The following TRMT11 variants were observed in gnomAD, a reference collection of about 807,000 sequenced individuals.
TRMT11 encodes tRNA (guanine(10)-N(2))-methyltransferase TRMT11.
Under a neutral mutation model 62.8 loss-of-function variants are expected in TRMT11, and 53 were observed. The observed-to-expected ratio is 0.84, with a 90% CI of 0.68 to 1.06. The LOEUF (loss-of-function observed/expected upper bound fraction) is 1.06. TRMT11 is among the 50% of genes least tolerant of loss of function. The probability of loss-of-function intolerance (pLI) is 0.00; values close to 1 mark genes in which losing one functional copy is unlikely to be tolerated. For synonymous variants in TRMT11, 188 were observed against 190.3 expected, an observed-to-expected ratio of 0.99 and a Z score of 0.10; for missense variants, 556 against 553.4, an observed-to-expected ratio of 1.00 and a Z score of -0.05.
At chr6:126,239,090 T>C in the TRMT11 span, among the ~76,000 whole-genome samples, 1 of 152,330 alleles carries the variant, frequency 6.6e-6, no homozygotes, top group Non-Finnish European at 1.5e-5. Flanking sequence ...CCATTTATTT[T>C]GAGCCTATGT....
intron 17 of TRMT11, among the ~76,000 whole-genome samples, chr6:126,086,038 A>C (rs1008656640): frequency 6.6e-6 from 1 of 152,210 alleles, no homozygotes; most frequent in Non-Finnish European, 1.5e-5. Context: ...AAGTGGTATC[A>C]GAGGTCTATG....
chr6:126,183,252 C>T (rs1778487826), intron 1 of TRMT11, among the ~76,000 whole-genome samples: 4 of 152,112 alleles, frequency 2.6e-5, no homozygotes, highest in Admixed American at 1.3e-4. Context: ...ACAAAATGTT[C>T]AGGTCATGAT....
intron 17 of TRMT11, among the ~76,000 whole-genome samples, chr6:126,103,073 A>G (rs928834689): frequency 1.3e-5 from 2 of 152,168 alleles, no homozygotes; most frequent in Non-Finnish European, 2.9e-5. Context: ...GGCTCTATTT[A>G]TCCTGCAAGA....
rs143302980 is a variant in TRMT11, at chr6:126,168,749, C to T, written c.*1824-6076C>T. 9.8e-3 allele frequency among the ~76,000 whole-genome samples: 1,496 copies of T among 152,236 alleles called. 23 individuals are homozygous for T. The highest frequency in any genetic ancestry group is 0.048 in the South Asian group (231 of 4,824). On this transcript the variant is annotated intron_variant and NMD_transcript_variant, in intron 21 of 22. Coordinates refer to the TRMT11 transcript ENST00000648977. ...GGCCAGGCTGGTCTCAAATTCCTGACCTTGTGATCTGCCAGCCTCGGCCTC... is the reference window on the plus strand; with the variant it reads ...GGCCAGGCTGGTCTCAAATTCCTGATCTTGTGATCTGCCAGCCTCGGCCTC...
exon 4 of TRMT11, chr6:126,202,069 G>C (rs558295516): frequency 6.6e-6 from 1 of 152,226 alleles, no homozygotes; most frequent in Admixed American, 6.5e-5. Flanking sequence ...TATGTAAAAT[G>C]CTGAATTAAA....
chr6:126,123,675 CAAGT>C lies in TRMT11; in HGVS notation c.*1823+7823_*1823+7826del, dbSNP rs199967227. 8.0e-3 allele frequency among the ~76,000 whole-genome samples: 1,213 copies of C among 152,044 alleles called. 13 individuals carry two copies. Among genetic ancestry groups the C allele is most frequent in the African/African-American group, 0.028 (1,157 of 41,488 alleles). On this transcript the variant is annotated intron_variant and NMD_transcript_variant, in intron 21 of 22. Coordinates refer to the TRMT11 transcript ENST00000648977. ...AAAGAGGCATGCTTGAATGGATAATCAAGTAAACAGATTTTCTGATATTAAAAAA... is the reference window on the plus strand; with the variant it reads ...AAAGAGGCATGCTTGAATGGATAATCAAACAGATTTTCTGATATTAAAAAA...
the TRMT11 span, among the ~76,000 whole-genome samples, chr6:126,213,196 G>T: frequency 2.0e-5 from 3 of 152,066 alleles, no homozygotes; most frequent in South Asian, 6.2e-4. Flanking sequence ...TTTGAAGTCA[G>T]GTATTGTGAT....
intron 19 of TRMT11, among the ~76,000 whole-genome samples, chr6:126,115,060 C>G (rs77763959): frequency 6.6e-6 from 1 of 152,042 alleles, no homozygotes; most frequent in South Asian, 2.1e-4. Context: ...ACGTGTCTTT[C>G]CCCCTCCATA....
At chr6:126,140,374 A>G (rs1052856373) in intron 21 of TRMT11, among the ~76,000 whole-genome samples, 3 of 152,042 alleles carry the variant, frequency 2.0e-5, no homozygotes, top group African/African-American at 7.2e-5. Context: ...TTAGTGCTAT[A>G]TTTGCTTGGT....
At chr6:126,073,824 T>C (rs1364015621) in intron 17 of TRMT11, among the ~76,000 whole-genome samples, 2 of 152,154 alleles carry the variant, frequency 1.3e-5, no homozygotes, top group African/African-American at 2.4e-5. Flanking sequence ...AAAGGAAATA[T>C]GTTTAGTTGA....
chr6:126,183,106 T>C (rs931806424), intron 1 of TRMT11, among the ~76,000 whole-genome samples: 1 of 152,162 alleles, frequency 6.6e-6, no homozygotes, highest in African/African-American at 2.4e-5. Context: ...TTTCCTAATA[T>C]AGCAGGGGTA....
At chr6:126,099,559 C>T (rs1777374529) in intron 17 of TRMT11, among the ~76,000 whole-genome samples, 3 of 152,146 alleles carry the variant, frequency 2.0e-5, no homozygotes, top group Non-Finnish European at 4.4e-5. Context: ...CCAGCCTGGC[C>T]AATGCGGTGA....
chr6:126,096,314 G>C (rs1777339151), intron 17 of TRMT11, among the ~76,000 whole-genome samples: 1 of 152,136 alleles, frequency 6.6e-6, no homozygotes, highest in African/African-American at 2.4e-5. Flanking sequence ...GCTTCTCTGG[G>C]ATCTGATCAG....
the TRMT11 span, among the ~76,000 whole-genome samples, chr6:126,222,922 G>A: frequency 6.6e-6 from 1 of 151,216 alleles, no homozygotes; most frequent in South Asian, 2.1e-4. Flanking sequence ...TAGTGTCAAT[G>A]GTCTATGTAC....
intron 16 of TRMT11, among the ~76,000 whole-genome samples, chr6:126,052,784 G>A (rs1776255410): frequency 6.6e-6 from 1 of 152,172 alleles, no homozygotes; most frequent in Non-Finnish European, 1.5e-5. Context: ...TTTTGATCTT[G>A]CATTTGTTAG....
At chr6:126,166,931 C>T (rs779809356) in intron 21 of TRMT11, among the ~76,000 whole-genome samples, 2 of 152,146 alleles carry the variant, frequency 1.3e-5, no homozygotes, top group Non-Finnish European at 2.9e-5. Context: ...AAACTGCCTA[C>T]TCAAGCCTCA....
At chr6:126,119,480 T>TA (rs56778747) in intron 21 of TRMT11, among the ~76,000 whole-genome samples, 2,068 of 124,360 alleles carry the variant, frequency 0.017, 30 homozygotes, top group Admixed American at 0.039. Context: ...TCTTCTTTGA[T>TA]AAAAAAAAAA....
intron 1 of TRMT11, among the ~76,000 whole-genome samples, chr6:126,195,381 A>G (rs983910597): frequency 2.6e-5 from 4 of 152,182 alleles, no homozygotes; most frequent in African/African-American, 9.7e-5. Context: ...CTTTATCCAA[A>G]TATTTTCAGT....
At chr6:126,217,139 A>G in the TRMT11 span, among the ~76,000 whole-genome samples, 1 of 152,062 alleles carries the variant, frequency 6.6e-6, no homozygotes, top group African/African-American at 2.4e-5. Context: ...ATTCTGAGTT[A>G]TTTCTTGAAT....
Sources: allele counts gnomAD v4.1 joint callset (sites outside exome capture counted in the v4.1 genomes callset), GRCh38; gene constraint gnomAD v4.1.1; transcripts MANE v1.5; gene names NCBI Gene and HGNC (gene_info 2026-07-23, HGNC 2026-07-21).